The following MEGF11 variants were observed in gnomAD, a reference collection of about 807,000 sequenced individuals.
MEGF11 encodes multiple epidermal growth factor-like domains protein 11.
MEGF11 carries 126 observed loss-of-function variants against 146.6 expected under a neutral mutation model. The ratio of observed to expected loss-of-function variants is 0.86; its 90% CI spans 0.74 to 1.00. MEGF11 has a LOEUF of 1.00. Ranked by LOEUF, MEGF11 falls within the 50% of genes least tolerant of loss-of-function variation. The pLI is 0.00. For synonymous variants in MEGF11, 532 were observed against 583.4 expected, an observed-to-expected ratio of 0.91 and a Z score of 1.27; for missense variants, 1,509 against 1,521.2, an observed-to-expected ratio of 0.99 and a Z score of 0.13.
chr15:65,962,339 CCCCACCCTGGGACAT>C (rs1191886226), intron 9 of MEGF11, among the ~76,000 whole-genome samples: 1 of 152,164 alleles, frequency 6.6e-6, no homozygotes, highest in African/African-American at 2.4e-5. Flanking sequence ...TCCTGCCCCA[CCCCACCCTGGGACAT>C]CCGGCAATGT....
At chr15:65,932,909 A>G (rs2079629583) in intron 10 of MEGF11, among the ~76,000 whole-genome samples, 1 of 152,086 alleles carries the variant, frequency 6.6e-6, no homozygotes, top group African/African-American at 2.4e-5. Context: ...GGGCCCCACT[A>G]GCTGTGTGAC....
chr15:66,248,343 A>G (rs1318054243), intron 1 of MEGF11, among the ~76,000 whole-genome samples: 2 of 152,198 alleles, frequency 1.3e-5, no homozygotes, highest in Non-Finnish European at 2.9e-5. Flanking sequence ...AGCCAGTTGA[A>G]TTCAGCTTCT....
intron 1 of MEGF11, among the ~76,000 whole-genome samples, chr15:66,200,866 C>T (rs374614652): frequency 6.6e-6 from 1 of 152,066 alleles, no homozygotes; most frequent in Non-Finnish European, 1.5e-5. Flanking sequence ...GCCCAGCATG[C>T]ATCATGGAGT....
chr15:66,067,557 G>A (rs2085185868), intron 5 of MEGF11, among the ~76,000 whole-genome samples: 1 of 152,200 alleles, frequency 6.6e-6, no homozygotes, highest in African/African-American at 2.4e-5. Context: ...CATCCTACCT[G>A]TGGCAGGTGG....
At chr15:66,059,088 C>T (rs906684013) in intron 5 of MEGF11, among the ~76,000 whole-genome samples, 3 of 152,186 alleles carry the variant, frequency 2.0e-5, no homozygotes, top group Non-Finnish European at 4.4e-5. Flanking sequence ...GGAACATCCC[C>T]CCTAGTTACC....
Position 66,141,281 on chromosome 15 carries a change from TGTGTGTGTGAGA to T in MEGF11, c.-8-12882_-8-12871del, listed in dbSNP as rs1363025692. Among the ~76,000 whole-genome samples the T allele has an allele frequency of 4.6e-4, 45 of 97,696 alleles. 1 individual carries two copies. The highest frequency in any genetic ancestry group is 1.5e-3 in the African/African-American group (43 of 28,702). 64.1% of individuals were successfully genotyped at this position (97,696 alleles called of 152,430 possible). On this transcript the variant is annotated intron_variant, in intron 1 of 25. Coordinates refer to ENST00000395614, the MANE Select transcript of MEGF11 (RefSeq NM_001385028.1). ...GTGTGTGTGTGTGTGTGTGTGTGTG[TGTGTGTGTGAGA>T]GAGAGAGAGAGAGAGACAGGGATAG...
chr15:66,003,487 A>G (rs1475129549), intron 5 of MEGF11, among the ~76,000 whole-genome samples: 1 of 152,124 alleles, frequency 6.6e-6, no homozygotes, highest in Non-Finnish European at 1.5e-5. Context: ...ATGGCCTAGG[A>G]TAAGCCAGTG....
chr15:66,006,208 G>T (rs2082515650), intron 5 of MEGF11, among the ~76,000 whole-genome samples: 1 of 152,184 alleles, frequency 6.6e-6, no homozygotes, highest in Non-Finnish European at 1.5e-5. Flanking sequence ...GGACTGGGGA[G>T]AGATGGGAAT....
At chr15:65,978,811 G>A (rs2081537378) in intron 7 of MEGF11, among the ~76,000 whole-genome samples, 1 of 152,194 alleles carries the variant, frequency 6.6e-6, no homozygotes, top group Non-Finnish European at 1.5e-5. Context: ...CAGACACCAA[G>A]GGCTGGGAGT....
At chr15:66,176,719 T>G (rs1436805252) in intron 1 of MEGF11, among the ~76,000 whole-genome samples, 1 of 152,226 alleles carries the variant, frequency 6.6e-6, no homozygotes, top group African/African-American at 2.4e-5. Flanking sequence ...TTTTTCTTGC[T>G]GCTGAGCCAG....
intron 5 of MEGF11, among the ~76,000 whole-genome samples, chr15:66,024,069 C>G (rs964919991): frequency 1.3e-5 from 2 of 152,198 alleles, no homozygotes; most frequent in Admixed American, 6.5e-5. Context: ...GAACTGCAGG[C>G]TCAGGGTGGG....
At chr15:66,078,631 C>T (rs2085696917) in intron 5 of MEGF11, among the ~76,000 whole-genome samples, 1 of 152,174 alleles carries the variant, frequency 6.6e-6, no homozygotes, top group South Asian at 2.1e-4. Flanking sequence ...CAGGTGGGTG[C>T]AGTTCGTGAG....
chr15:66,103,856 C>T (rs1313441498), intron 4 of MEGF11, among the ~76,000 whole-genome samples: 1 of 152,206 alleles, frequency 6.6e-6, no homozygotes, highest in Admixed American at 6.5e-5. Flanking sequence ...CACTTTACAG[C>T]ACAGACCCCC....
intron 1 of MEGF11, among the ~76,000 whole-genome samples, chr15:66,218,380 C>T (rs1261862136): frequency 1.3e-5 from 2 of 152,160 alleles, no homozygotes; most frequent in East Asian, 1.9e-4. Context: ...GGGCCTGCAA[C>T]CAGGGCTCCC....
At chr15:65,927,082 C>T (rs755313822) in intron 13 of MEGF11, among the ~76,000 whole-genome samples, 5 of 152,208 alleles carry the variant, frequency 3.3e-5, no homozygotes, top group Non-Finnish European at 7.3e-5. Flanking sequence ...ATATTTCTTT[C>T]TCTTTGCTGC....
chr15:66,180,603 C>T (rs1010795494), intron 1 of MEGF11, among the ~76,000 whole-genome samples: 5 of 150,474 alleles, frequency 3.3e-5, no homozygotes, highest in African/African-American at 5.0e-5. Flanking sequence ...AGAATGAATA[C>T]CAGGCTCTCT....
At chr15:66,116,801 A>T (rs545345435) in intron 4 of MEGF11, among the ~76,000 whole-genome samples, 1 of 152,008 alleles carries the variant, frequency 6.6e-6, no homozygotes, top group East Asian at 1.9e-4. Context: ...CATTTACTCA[A>T]CCCCCACTCT....
At position 65,987,425 on chromosome 15, in the gene MEGF11, C is replaced by T. The variant is rs1393846144; in HGVS notation, c.395-4937G>A. On this transcript the variant is annotated intron_variant, in intron 5 of 25. Coordinates refer to ENST00000395614, the MANE Select transcript of MEGF11 (RefSeq NM_001385028.1). ...GTGGGCGTAGGTCCTAGGTTTTCCA[C>T]GACTGGCCCTATTTCCCAAAATTTT... 3.3e-5 allele frequency among the ~76,000 whole-genome samples: 5 copies of T among 152,152 alleles called. No individual in the cohort carries two copies. In the East Asian group the frequency reaches 9.6e-4, roughly 29 times the overall value.
intron 5 of MEGF11, among the ~76,000 whole-genome samples, chr15:66,014,667 T>TCCCAC (rs1160193108): frequency 6.6e-6 from 1 of 152,106 alleles, no homozygotes; most frequent in South Asian, 2.1e-4. Context: ...AGCACCCTAC[T>TCCCAC]CCCACCCCAC....
Sources: gnomAD v4.1 joint callset for allele counts (sites outside exome capture counted in the v4.1 genomes callset) on GRCh38, gnomAD v4.1.1 for gene constraint, MANE v1.5 for transcripts, NCBI Gene and HGNC (gene_info 2026-07-23, HGNC 2026-07-21) for gene names.